The following ZNF442 variants were observed in gnomAD, a reference collection of about 807,000 sequenced individuals.
ZNF442 encodes the protein zinc finger protein 442.
In ZNF442, 45 loss-of-function variants were observed where a neutral mutation model predicts 57.0. The observed-to-expected ratio is 0.79, with a 90% CI of 0.62 to 1.01. The LOEUF (loss-of-function observed/expected upper bound fraction) is 1.01. ZNF442 is among the 50% of genes least tolerant of loss of function. The probability of loss-of-function intolerance (pLI) is 0.00; values close to 1 mark genes in which losing one functional copy is unlikely to be tolerated. For missense variants in ZNF442, 690 were observed against 756.5 expected (o/e 0.91, Z 1.03); for synonymous variants, 213 against 241.8 (o/e 0.88, Z 1.10).
chr19:12,353,904 G>C (rs573746487), intron 3 of ZNF442, among the ~76,000 whole-genome samples: 1 of 152,152 alleles, frequency 6.6e-6, no homozygotes, highest in African/African-American at 2.4e-5. Context: ...ACCTGGGCTA[G>C]ACACTCAGCT....
At chr19:12,357,023 A>T (rs576459048) in intron 3 of ZNF442, among the ~76,000 whole-genome samples, 1 of 152,364 alleles carries the variant, frequency 6.6e-6, no homozygotes, top group African/African-American at 2.4e-5. Context: ...CTCAAGTCCC[A>T]TGAACAGTGA....
intron 3 of ZNF442, among the ~76,000 whole-genome samples, chr19:12,362,563 G>A (rs1328153986): frequency 8.7e-5 from 13 of 150,080 alleles, no homozygotes; most frequent in African/African-American, 2.2e-4. Context: ...GCTCCCGCCC[G>A]GCCAGCCACC....
At position 12,349,894 on chromosome 19, in the gene ZNF442, C is replaced by T. The variant is rs781524841; in HGVS notation, c.1691G>A (p.Arg564Lys). 5 of 1,614,060 alleles carry T rather than the reference C, an allele frequency of 3.1e-6. No individual in the cohort carries two copies. The highest frequency in any genetic ancestry group is 4.2e-6 in the Non-Finnish European group (5 of 1,179,998). Residue 564 changes from arginine to lysine, a missense_variant, in exon 6 of 6, where the codon AGA (arginine) becomes AAA (lysine). Transcript: ENST00000242804. Reference protein sequence around the residue: ...SWLTCLLRHERIHTGKKSYEC... With the variant: ...SWLTCLLRHEKIHTGKKSYEC... ...ATAAGATTTCTTTCCAGTGTGAATT[C>T]TTTCATGTCGCAGAAGGCAAGTGAG...
In ZNF442 at chr19:12,347,923, C is replaced by T. The variant is rs1433146569; in HGVS notation, c.*1778G>A. 2 of 152,144 alleles carry T rather than the reference C, an allele frequency of 1.3e-5. No homozygotes were observed. Among genetic ancestry groups the T allele is most frequent in the Non-Finnish European group, 2.9e-5 (2 of 68,052 alleles). 9.4% of individuals were successfully genotyped at this position (152,144 alleles called of 1,614,324 possible). On this transcript the variant is annotated 3_prime_UTR_variant, in exon 6 of 6. Transcript: ENST00000242804. ...AGGAACTCGAAGATATACTGAAATT[C>T]TCTGCAGATAATGATGATAATGATG...
At chr19:12,368,781 A>T (rs78397093), upstream of ZNF442, among the ~76,000 whole-genome samples, 925 of 152,160 alleles carry the variant, frequency 6.1e-3, 14 homozygotes, top group African/African-American at 0.021. Flanking sequence ...ATCACAACTC[A>T]TTATTATTTT....
In ZNF442 at chr19:12,351,148, T is replaced by C; in HGVS notation, c.437A>G (p.Gln146Arg). Residue 146 changes from glutamine to arginine, a missense_variant, in exon 6 of 6, where the codon CAG becomes CGG. Gln to Arg is a conservative substitution (Grantham distance 43, BLOSUM62 1). Transcript: ENST00000242804. ...TGTATGTGGCTTCTCTCCATATTCC[T>C]GACACTCATCTGGTTTGTGTCCAGC... is the stretch of plus-strand genomic sequence containing the variant. Reference protein sequence around the residue: ...FDAGHKPDECQEYGEKPHTHK... With the variant: ...FDAGHKPDECREYGEKPHTHK... 1.2e-6 allele frequency: 2 copies of C among 1,614,166 alleles called. No homozygotes were observed. Among genetic ancestry groups the C allele is most frequent in the Non-Finnish European group, 8.5e-7 (1 of 1,180,026 alleles).
rs191124575 is a variant in ZNF442 at position 12,346,706 on chromosome 19, A to C, written c.*2995T>G. 7.9e-5 allele frequency: 12 copies of C among 152,362 alleles called. No homozygotes were observed. The highest frequency in any genetic ancestry group is 2.9e-4 in the African/African-American group (12 of 41,590). 9.4% of individuals were successfully genotyped at this position (152,362 alleles called of 1,614,324 possible). On this transcript the variant is annotated 3_prime_UTR_variant, in exon 6 of 6. Coordinates refer to ENST00000242804, the MANE Select transcript of ZNF442 (RefSeq NM_030824.3). ...ACTGTGGAAACAACCCATGTTTATCAACATAAAAATGGATAAACAAAGTAT... is the reference window on the plus strand; with the variant it reads ...ACTGTGGAAACAACCCATGTTTATCCACATAAAAATGGATAAACAAAGTAT...
Position 12,350,435 on chromosome 19 carries a change from T to C in ZNF442, c.1150A>G (p.Lys384Glu). 1 of 1,613,892 alleles carries C rather than the reference T, an allele frequency of 6.2e-7. No homozygotes were observed. Among genetic ancestry groups the C allele is most frequent in the Non-Finnish European group, 8.5e-7 (1 of 1,179,946 alleles). ...EKPYECKQCG[K>E]ALSHHSSFRS... ...AAGCTTGAGTGATGAGATAACGCTT[T>C]CCCACACTGCTTGCATTCATAGGGT... The change falls in exon 6 of 6, where the codon AAA becomes GAA. Residue 384 changes from lysine to glutamate, a missense_variant. Lys to Glu is a moderately conservative substitution (Grantham distance 56, BLOSUM62 1). Coordinates refer to ENST00000242804, the MANE Select transcript of ZNF442 (RefSeq NM_030824.3).
At position 12,364,922 on chromosome 19, in the gene ZNF442, A is replaced by G. The variant is rs1476035607; in HGVS notation, c.-161T>C. On this transcript the variant is annotated 5_prime_UTR_variant, in exon 2 of 6. Transcript: ENST00000242804. ...CTCGGAGAGCTGCTCGAGTTGCCCA[A>G]GTTCTTTCTCAGATCTTGAATTCCA... 6.6e-6 allele frequency: 1 copy of G among 152,226 alleles called. No individual in the cohort carries two copies. The highest frequency in any genetic ancestry group is 1.5e-5 in the Non-Finnish European group (1 of 68,092). The allele number at this position is 152,226 out of a possible 1,614,324, so 9.4% of individuals were successfully genotyped here.
At position 12,350,744 on chromosome 19, in the gene ZNF442, C is replaced by T. The variant is rs754835591; in HGVS notation, c.841G>A (p.Val281Ile). 1.4e-5 allele frequency: 22 copies of T among 1,613,686 alleles called. No homozygotes were observed. In the Admixed American group the frequency reaches 3.3e-4, roughly 24 times the overall value. The change falls in exon 6 of 6, where the codon GTA becomes ATA. Residue 281 changes from valine (V) to isoleucine (I), a missense_variant. Physicochemically the swap from Val to Ile is conservative, Grantham distance 29. Coordinates refer to ENST00000242804, the MANE Select transcript of ZNF442 (RefSeq NM_030824.3). ...CCAGTGTGAGTTCTTTCATGTCTTACATAGGAACTGTAATCAGGGAAGGCT... is the reference window on the plus strand; with the variant it reads ...CCAGTGTGAGTTCTTTCATGTCTTATATAGGAACTGTAATCAGGGAAGGCT... Reference protein sequence around the residue: ...SKAFPDYSSYVRHERTHTGEK... With the variant: ...SKAFPDYSSYIRHERTHTGEK...
At chr19:12,365,478 C>T in intron 1 of ZNF442, 55 bp downstream of exon 1, 2 of 448,692 alleles carry the variant, frequency 4.5e-6, no homozygotes, top group Admixed American at 3.9e-5. Flanking sequence ...CCGGTTCTGG[C>T]CGGTTCCAAC....
At position 12,351,071 on chromosome 19, in the gene ZNF442, C is replaced by A. The variant is rs771344116; in HGVS notation, c.514G>T (p.Glu172Ter). Residue 172 changes from glutamate to a stop codon, truncating the protein, a stop_gained, in exon 6 of 6, where the codon GAA becomes TAA. Transcript: ENST00000242804. LOFTEE classifies it high-confidence loss of function. ...FNYHHSFQTQ[E>*]RPHTGKKRYD... ...CGTTTCTTTCCAGTGTGAGGTCTTT[C>A]CTGTGTTTGAAAGGAGTGGTGATAA... 6.2e-7 allele frequency: 1 copy of A among 1,614,182 alleles called. No homozygotes were observed. The highest frequency in any genetic ancestry group is 2.2e-5 in the East Asian group (1 of 44,878).
intron 3 of ZNF442, among the ~76,000 whole-genome samples, chr19:12,355,547 G>T (rs1969314449): frequency 6.6e-6 from 1 of 150,698 alleles, no homozygotes; most frequent in South Asian, 2.1e-4. Context: ...TTTTAGTAGA[G>T]ATGGGGTTTC....
At chr19:12,371,339 G>A in the ZNF442 span, among the ~76,000 whole-genome samples, 1 of 152,074 alleles carries the variant, frequency 6.6e-6, no homozygotes, top group Admixed American at 6.6e-5. Flanking sequence ...TCACAAGACT[G>A]TTCTCTCTCT....
intron 5 of ZNF442, among the ~76,000 whole-genome samples, chr19:12,351,592 G>A (rs576584619): frequency 1.4e-4 from 21 of 152,158 alleles, no homozygotes; most frequent in African/African-American, 4.8e-4. Flanking sequence ...TGCAACCTCC[G>A]CCTCCCAGGT....
rs931204140 is a variant in ZNF442 at position 12,353,126 on chromosome 19, C to A, written c.79-12G>T. ...AAGGCTACTGAATCCTGAAACACCC[C>A]ACATGTACAAAGGAGTAAGGCTGAG... On this transcript the variant is annotated splice_polypyrimidine_tract_variant and intron_variant, in intron 3 of 5. Coordinates refer to ENST00000242804, the MANE Select transcript of ZNF442 (RefSeq NM_030824.3). 9 of 1,604,138 alleles carry A rather than the reference C, an allele frequency of 5.6e-6. No individual in the cohort carries two copies. Among genetic ancestry groups the A allele is most frequent in the African/African-American group, 1.3e-5 (1 of 74,234 alleles).
At chr19:12,367,233 G>A (rs142378271), upstream of ZNF442, among the ~76,000 whole-genome samples, 525 of 152,258 alleles carry the variant, frequency 3.4e-3, 2 homozygotes, top group Non-Finnish European at 3.5e-3. Flanking sequence ...GGGCCTCCAG[G>A]GGTGACATCA....
At chr19:12,361,843 C>A (rs1000029896) in intron 3 of ZNF442, among the ~76,000 whole-genome samples, 2 of 152,086 alleles carry the variant, frequency 1.3e-5, no homozygotes, top group Non-Finnish European at 2.9e-5. Flanking sequence ...CTTCAGCCTG[C>A]GGAGAGCCTG....
At chr19:12,369,080 G>A (rs1272904175), upstream of ZNF442, among the ~76,000 whole-genome samples, 1 of 152,002 alleles carries the variant, frequency 6.6e-6, no homozygotes, top group Non-Finnish European at 1.5e-5. Flanking sequence ...TCTCTAGTTT[G>A]TATGAGTCAC....
Sources: gnomAD v4.1 joint callset for allele counts (sites outside exome capture counted in the v4.1 genomes callset) on GRCh38, gnomAD v4.1.1 for gene constraint, MANE v1.5 for transcripts, NCBI Gene and HGNC (gene_info 2026-07-23, HGNC 2026-07-21) for gene names.